The following MLKL variants were observed in gnomAD, a reference collection of about 807,000 sequenced individuals.
MLKL encodes the protein mixed lineage kinase domain like pseudokinase.
MLKL carries 55 observed loss-of-function variants against 56.5 expected under a neutral mutation model. The observed-to-expected ratio is 0.97, with a 90% CI of 0.78 to 1.22. The LOEUF (loss-of-function observed/expected upper bound fraction) is 1.22, where lower values mean the gene tolerates loss of function less well. Ranked by LOEUF, MLKL falls within the 50% of genes most tolerant of loss-of-function variation. MLKL has a pLI of 0.00. For synonymous variants in MLKL, 251 were observed against 208.3 expected, an observed-to-expected ratio of 1.20 and a Z score of -1.76; for missense variants, 694 against 573.9, an observed-to-expected ratio of 1.21 and a Z score of -2.14.
At position 74,692,559 on chromosome 16, in the gene MLKL, T is replaced by C. The variant is rs1052524354; in HGVS notation, c.461-143A>G. ...GGTAGGGATTACTACTGATCACCAA[T>C]ATTCAGATTTCTACTTCTGAGCACA... is the stretch of plus-strand genomic sequence containing the variant. On this transcript the variant is annotated intron_variant, in intron 2 of 10. Transcript: ENST00000308807. 1.3e-5 allele frequency: 8 copies of C among 636,782 alleles called. No homozygotes were observed. In the African/African-American group the frequency reaches 1.3e-4, roughly 10 times the overall value. 39.4% of individuals were successfully genotyped at this position (636,782 alleles called of 1,614,324 possible).
chr16:74,672,360 C>T lies in MLKL; in HGVS notation c.*144G>A, dbSNP rs1425406353. 9.9e-6 allele frequency: 7 copies of T among 709,280 alleles called. No individual in the cohort carries two copies. The highest frequency in any genetic ancestry group is 1.7e-5 in the Non-Finnish European group (7 of 404,262). 43.9% of individuals were successfully genotyped at this position (709,280 alleles called of 1,614,324 possible). A position where few individuals can be genotyped will look rare whatever the true frequency, so the allele number is the denominator to read the frequency against. ...GGGATGTGTCCTGTATGACTGGAAT[C>T]GTTTTCTATTTGTAACAGAGAAGCG... On this transcript the variant is annotated 3_prime_UTR_variant, in exon 11 of 11. Coordinates refer to ENST00000308807, the MANE Select transcript of MLKL (RefSeq NM_152649.4).
Position 74,692,417 on chromosome 16 carries a change from C to T in MLKL, c.461-1G>A. 1 of 1,609,106 alleles carries T rather than the reference C, an allele frequency of 6.2e-7. No individual in the cohort carries two copies. The highest frequency in any genetic ancestry group is 8.5e-7 in the Non-Finnish European group (1 of 1,178,476). On this transcript the variant is annotated splice_acceptor_variant, in intron 2 of 10. Transcript: ENST00000308807. LOFTEE classifies it high-confidence loss of function. ...AGTGAAGCTTCTATTTTTTCATTAT[C>T]TGCAGGAAAAAAGGGCAGTATATGC... is the stretch of plus-strand genomic sequence containing the variant.
intron 7 of MLKL, chr16:74,676,344 G>C (rs1215337392): frequency 6.1e-6 from 6 of 985,638 alleles, no homozygotes; most frequent in Non-Finnish European, 7.2e-6. Flanking sequence ...GACAGCATAT[G>C]TTCTTGTCCC....
At chr16:74,696,996 T>C (rs965679452) in intron 1 of MLKL, among the ~76,000 whole-genome samples, 4 of 146,456 alleles carry the variant, frequency 2.7e-5, no homozygotes, top group African/African-American at 1.0e-4. Context: ...TATATAGTAA[T>C]ACATATATAT....
intron 4 of MLKL, 71 bp from the exon 5 acceptor site, chr16:74,685,654 AC>A: frequency 7.9e-7 from 1 of 1,262,144 alleles, no homozygotes; most frequent in Non-Finnish European, 1.1e-6. Context: ...CAGTGTGGTG[AC>A]CCTCTGTGTA....
chr16:74,696,991 A>G lies in MLKL; in HGVS notation c.-2-1232T>C, dbSNP rs1235549763. 3.4e-5 allele frequency among the ~76,000 whole-genome samples: 5 copies of G among 146,950 alleles called. No homozygotes were observed. In the South Asian group the frequency reaches 8.4e-4, roughly 25 times the overall value. Reference sequence around the variant, plus strand: ...AATATATATGTAATATTACATATATAGTAATACATATATATAATATTACAT... The same window carrying G: ...AATATATATGTAATATTACATATATGGTAATACATATATATAATATTACAT... On this transcript the variant is annotated intron_variant, in intron 1 of 10. Coordinates refer to ENST00000308807, the MANE Select transcript of MLKL (RefSeq NM_152649.4).
chr16:74,696,137 G>T (rs1355310070), intron 1 of MLKL, among the ~76,000 whole-genome samples: 3 of 152,158 alleles, frequency 2.0e-5, no homozygotes, highest in African/African-American at 7.2e-5. Flanking sequence ...GCGGCCCTGG[G>T]GTGGTGGAGC....
At chr16:74,694,598 C>A (rs1416119769) in intron 2 of MLKL, among the ~76,000 whole-genome samples, 1 of 152,042 alleles carries the variant, frequency 6.6e-6, no homozygotes. Flanking sequence ...GACTCTCTAA[C>A]TACAAAAAAT....
intron 1 of MLKL, among the ~76,000 whole-genome samples, chr16:74,696,885 G>T (rs886608379): frequency 6.7e-6 from 1 of 148,536 alleles, no homozygotes; most frequent in East Asian, 2.0e-4. Context: ...TTGAACCCAG[G>T]GGGTGGAGGT....
chr16:74,675,150 A>C, intron 9 of MLKL, 50 bp from the exon 10 acceptor site: 3 of 1,604,382 alleles, frequency 1.9e-6, no homozygotes, highest in Non-Finnish European at 2.6e-6. Flanking sequence ...CTACTCGTAC[A>C]TCTCTCTGGA....
intron 4 of MLKL, among the ~76,000 whole-genome samples, chr16:74,688,034 C>T (rs1181697624): frequency 6.6e-6 from 1 of 152,170 alleles, no homozygotes; most frequent in South Asian, 2.1e-4. Context: ...CCATATTAGC[C>T]AGGATGGTCT....
chr16:74,691,891 C>A (rs1960702600), intron 3 of MLKL, among the ~76,000 whole-genome samples: 2 of 152,154 alleles, frequency 1.3e-5, no homozygotes, highest in South Asian at 4.1e-4. Flanking sequence ...TGTTCACTGT[C>A]TGTCTTTCCT....
intron 5 of MLKL, 94 bp downstream of exon 5, chr16:74,685,392 T>G: frequency 1.1e-6 from 1 of 908,136 alleles, no homozygotes; most frequent in Non-Finnish European, 1.7e-6. Context: ...ATTCCACCCT[T>G]TGTGATGTTC....
chr16:74,673,461 G>C (rs1041658223), intron 10 of MLKL, among the ~76,000 whole-genome samples: 3 of 152,040 alleles, frequency 2.0e-5, no homozygotes, highest in African/African-American at 7.2e-5. Context: ...CAAGTGATCT[G>C]CCTGCCTCAG....
chr16:74,673,851 G>A (rs1465326821), intron 10 of MLKL, among the ~76,000 whole-genome samples: 1 of 151,516 alleles, frequency 6.6e-6, no homozygotes, highest in Non-Finnish European at 1.5e-5. Flanking sequence ...TAAGGCAGGA[G>A]GATCACTTGA....
At chr16:74,691,214 T>C in intron 4 of MLKL, 63 bp downstream of exon 4, 2 of 1,456,752 alleles carry the variant, frequency 1.4e-6, no homozygotes, top group Non-Finnish European at 1.9e-6. Context: ...ACGATATCCC[T>C]CTCTCCTTGG....
chr16:74,677,704 T>C (rs1183600594), intron 7 of MLKL: 1 of 150,940 alleles, frequency 6.6e-6, no homozygotes, highest in East Asian at 1.9e-4. Flanking sequence ...GGAGATGGAG[T>C]TTTGCTGTTG....
chr16:74,674,721 G>A (rs1481874322), intron 10 of MLKL, among the ~76,000 whole-genome samples: 1 of 152,064 alleles, frequency 6.6e-6, no homozygotes, highest in Non-Finnish European at 1.5e-5. Context: ...AGAATTACAG[G>A]CATGAGCAAC....
At chr16:74,698,294 A>G (rs1264876306) in intron 1 of MLKL, among the ~76,000 whole-genome samples, 1 of 152,106 alleles carries the variant, frequency 6.6e-6, no homozygotes, top group African/African-American at 2.4e-5. Flanking sequence ...TGAAATAGGT[A>G]GGTTAAGTAT....
Sources: allele counts gnomAD v4.1 joint callset (sites outside exome capture counted in the v4.1 genomes callset), GRCh38; gene constraint gnomAD v4.1.1; transcripts MANE v1.5; gene names NCBI Gene and HGNC (gene_info 2026-07-23, HGNC 2026-07-21).